The following ADGRL3 variants were observed in gnomAD, a reference collection of about 807,000 sequenced individuals.
ADGRL3 encodes calcium-independent alpha-latrotoxin receptor 3.
Under a neutral mutation model 153.5 loss-of-function variants are expected in ADGRL3, and 62 were observed. That is an observed-to-expected ratio of 0.40 (90% CI 0.33 to 0.50). ADGRL3 has a LOEUF of 0.50. Among genes scored for constraint, ADGRL3 ranks in the 20% least tolerant of loss-of-function variants. The probability of loss-of-function intolerance (pLI) is 0.47; values close to 1 mark genes in which losing one functional copy is unlikely to be tolerated. For missense variants in ADGRL3, 1,641 were observed against 1,859.4 expected (o/e 0.88, Z 2.16); for synonymous variants, 710 against 672.5 (o/e 1.06, Z -0.86).
intron 1 of ADGRL3, among the ~76,000 whole-genome samples, chr4:61,260,383 A>C (rs547613907): frequency 5.4e-4 from 82 of 152,338 alleles, no homozygotes; most frequent in African/African-American, 2.0e-3. Context: ...CGTGTTAATG[A>C]ATAATGAAAT....
intron 19 of ADGRL3, among the ~76,000 whole-genome samples, chr4:61,990,239 C>T (rs2099099111): frequency 6.6e-6 from 1 of 151,898 alleles, no homozygotes; most frequent in Admixed American, 6.6e-5. Context: ...CCATAAAATA[C>T]ATAAACTTTA....
chr4:61,720,340 G>A (rs1005275596), intron 6 of ADGRL3, among the ~76,000 whole-genome samples: 3 of 152,072 alleles, frequency 2.0e-5, no homozygotes, highest in Non-Finnish European at 2.9e-5. Flanking sequence ...CACACACCTC[G>A]GCCTCCCAAA....
intron 2 of ADGRL3, among the ~76,000 whole-genome samples, chr4:61,439,114 A>G (rs2097495646): frequency 6.6e-6 from 1 of 152,200 alleles, no homozygotes; most frequent in South Asian, 2.1e-4. Flanking sequence ...CAAGGCACTC[A>G]TGAAAACATC....
chr4:61,521,590 A>G (rs1409540691), intron 4 of ADGRL3, among the ~76,000 whole-genome samples: 1 of 152,140 alleles, frequency 6.6e-6, no homozygotes, highest in East Asian at 1.9e-4. Context: ...AGTCTGTTCT[A>G]TTGGTGGGTC....
intron 1 of ADGRL3, among the ~76,000 whole-genome samples, chr4:61,262,898 A>G (rs2092626272): frequency 6.6e-6 from 1 of 152,118 alleles, no homozygotes; most frequent in Admixed American, 6.6e-5. Flanking sequence ...AGAAGGATAT[A>G]TCTTTAAAAA....
rs545514828 is a variant in ADGRL3 at position 61,766,576 on chromosome 4, G to A, written c.1399+33022G>A. Among the ~76,000 whole-genome samples, 288 of 152,152 alleles carry A rather than the reference G, an allele frequency of 1.9e-3. 1 individual carries two copies. The highest frequency in any genetic ancestry group is 6.7e-3 in the African/African-American group (277 of 41,452). ...CGGACACGATTGGCAGGGAGAGCAC[G>A]TGTGTTTTTATGAGAATTATGCCAA... On this transcript the variant is annotated intron_variant, in intron 8 of 26. Coordinates refer to ENST00000683033, the MANE Select transcript of ADGRL3 (RefSeq NM_001387552.1).
At chr4:61,591,098 A>G (rs1292914306) in intron 5 of ADGRL3, among the ~76,000 whole-genome samples, 2 of 152,180 alleles carry the variant, frequency 1.3e-5, no homozygotes, top group African/African-American at 4.8e-5. Flanking sequence ...CACCAGCCAT[A>G]TTCCTTCCTA....
At chr4:61,500,735 A>T (rs2098378811) in intron 3 of ADGRL3, among the ~76,000 whole-genome samples, 1 of 152,156 alleles carries the variant, frequency 6.6e-6, no homozygotes, top group Admixed American at 6.6e-5. Context: ...TATAGCCATA[A>T]ACTTTAGATG....
At chr4:61,622,699 G>A (rs2092600459) in intron 5 of ADGRL3, among the ~76,000 whole-genome samples, 1 of 151,968 alleles carries the variant, frequency 6.6e-6, no homozygotes, top group African/African-American at 2.4e-5. Context: ...ATAAAAAATG[G>A]GTAGATACAA....
intron 8 of ADGRL3, among the ~76,000 whole-genome samples, chr4:61,793,997 A>T (rs532031884): frequency 2.2e-4 from 33 of 152,220 alleles, no homozygotes; most frequent in African/African-American, 8.0e-4. Flanking sequence ...AATCTCTAAT[A>T]CATAATGACC....
chr4:62,059,932 C>A (rs998072246), intron 25 of ADGRL3, among the ~76,000 whole-genome samples: 2 of 152,094 alleles, frequency 1.3e-5, no homozygotes, highest in South Asian at 2.1e-4. Context: ...AACACCTACA[C>A]AAAAACTGAA....
At chr4:61,558,665 A>G (rs60820992) in intron 4 of ADGRL3, among the ~76,000 whole-genome samples, 2 of 151,706 alleles carry the variant, frequency 1.3e-5, no homozygotes, top group African/African-American at 4.8e-5. Flanking sequence ...CTGCCTGTCT[A>G]TGTGTCTATT....
At position 61,627,958 on chromosome 4, in the gene ADGRL3, G is replaced by A. The variant is rs1579946133; in HGVS notation, c.473+40518G>A. Among the ~76,000 whole-genome samples, 5 of 152,262 alleles carry A rather than the reference G, an allele frequency of 3.3e-5. No homozygotes were observed. The South Asian group carries it at 1.0e-3, about 32-fold the overall frequency. On this transcript the variant is annotated intron_variant, in intron 5 of 26. Coordinates refer to ENST00000683033, the MANE Select transcript of ADGRL3 (RefSeq NM_001387552.1). ...TTCAGAAATAAGGCTCTACAGATAG[G>A]CAGGGAGCAAACCTCAATAACAAGG...
chr4:61,397,187 AC>A (rs549534532), intron 2 of ADGRL3, among the ~76,000 whole-genome samples: 195 of 151,894 alleles, frequency 1.3e-3, no homozygotes, highest in African/African-American at 4.1e-3. Flanking sequence ...TAAACCACAA[AC>A]TTTTTTTCTT....
intron 8 of ADGRL3, among the ~76,000 whole-genome samples, chr4:61,765,455 A>C (rs554917228): frequency 2.6e-3 from 395 of 152,184 alleles, no homozygotes; most frequent in African/African-American, 9.2e-3. Context: ...GAGCTTGGTG[A>C]GGTGTGTTTT....
At chr4:61,841,150 C>G (rs1243344837) in intron 9 of ADGRL3, among the ~76,000 whole-genome samples, 1 of 152,168 alleles carries the variant, frequency 6.6e-6, no homozygotes, top group Non-Finnish European at 1.5e-5. Context: ...GCCATCCCTA[C>G]TCTACCCTCT....
intron 9 of ADGRL3, among the ~76,000 whole-genome samples, chr4:61,872,265 C>T (rs888036333): frequency 6.6e-6 from 1 of 152,090 alleles, no homozygotes; most frequent in Non-Finnish European, 1.5e-5. Flanking sequence ...GAAAATCTTA[C>T]ATAGACATAT....
chr4:61,248,838 A>G (rs1577974094), intron 1 of ADGRL3, among the ~76,000 whole-genome samples: 1 of 152,138 alleles, frequency 6.6e-6, no homozygotes, highest in East Asian at 1.9e-4. Flanking sequence ...TAGTGTCTAA[A>G]TCTGCTTTAG....
intron 6 of ADGRL3, among the ~76,000 whole-genome samples, chr4:61,683,517 C>T (rs925558371): frequency 1.3e-5 from 2 of 152,038 alleles, no homozygotes; most frequent in African/African-American, 4.8e-5. Flanking sequence ...TCTGGGGTCT[C>T]TTATGAACCC....
Sources: gnomAD v4.1 joint callset for allele counts (sites outside exome capture counted in the v4.1 genomes callset) on GRCh38, gnomAD v4.1.1 for gene constraint, MANE v1.5 for transcripts, NCBI Gene and HGNC (gene_info 2026-07-23, HGNC 2026-07-21) for gene names.